PFKFB3: variants seen among roughly 807,000 people sequenced by gnomAD.
PFKFB3 encodes 6-phosphofructo-2-kinase/fructose-2,6-biphosphatase 3.
PFKFB3 carries 33 observed loss-of-function variants against 68.0 expected under a neutral mutation model. That is an observed-to-expected ratio of 0.49 (90% CI 0.37 to 0.65). The LOEUF is 0.65. PFKFB3 is among the 30% of genes least tolerant of loss of function. The pLI, the probability that PFKFB3 is intolerant of heterozygous loss-of-function variation, is 0.00. For synonymous variants in PFKFB3, 315 were observed against 288.2 expected, an observed-to-expected ratio of 1.09 and a Z score of -0.94; for missense variants, 586 against 712.2, an observed-to-expected ratio of 0.82 and a Z score of 2.02.
rs114188596 is a variant in PFKFB3 at position 6,182,154 on chromosome 10, G to C, written c.17-31469G>C. 5.4e-3 allele frequency among the ~76,000 whole-genome samples: 820 copies of C among 152,264 alleles called. 7 individuals are homozygous for C. Among genetic ancestry groups the C allele is most frequent in the African/African-American group, 0.019 (785 of 41,538 alleles). ...GCTTCTGGCCTCCTCAGTCTTGGCG[G>C]ATTCTTCCTCCCTGTCTCCCCAAGT... On this transcript the variant is annotated intron_variant, in intron 1 of 14. Transcript: ENST00000379789.
Position 6,216,729 on chromosome 10 carries a change from T to C in PFKFB3, c.390T>C (p.Thr130=). The C allele has an allele frequency of 1.2e-6, 2 of 1,613,150 alleles. No homozygotes were observed. The highest frequency in any genetic ancestry group is 1.7e-4 in the Middle Eastern group (1 of 6,060). ...AGGTTTTCGATGCCACCAATACTAC[T>C]AGAGAGAGGAGACACATGATCCTTC... The part of the protein sequence containing the change: ...QIAVFDATNT[T]RERRHMILHF... Residue 130 remains threonine, a synonymous_variant, in exon 5 of 15, where the codon ACT becomes ACC. Transcript: ENST00000379775.
At chr10:6,278,994 G>A in the PFKFB3 span, among the ~76,000 whole-genome samples, 1 of 152,194 alleles carries the variant, frequency 6.6e-6, no homozygotes, top group Non-Finnish European at 1.5e-5. Flanking sequence ...GCTGCGGCGA[G>A]AATTCACTGA....
At position 6,159,709 on chromosome 10, in the gene PFKFB3, AC is replaced by A. The variant is rs765636775; in HGVS notation, c.16+14697del. Reference sequence around the variant, plus strand: ...CTCCGTCTGAGGAAAAAAAAAAAAAACAAAACACCAAAAAACCAAAAACCAA... The same window carrying A: ...CTCCGTCTGAGGAAAAAAAAAAAAAAAAAACACCAAAAAACCAAAAACCAA... On this transcript the variant is annotated intron_variant, in intron 1 of 14. Coordinates refer to the PFKFB3 transcript ENST00000379789. Among the ~76,000 whole-genome samples the A allele has an allele frequency of 7.8e-3, 1,178 of 150,684 alleles. 35 individuals are homozygous for A. The highest frequency in any genetic ancestry group is 0.058 in the East Asian group (274 of 4,738).
rs1844487282 is a variant in PFKFB3, at chr10:6,215,232, G to A, written c.214G>A (p.Gly72Arg). 6.2e-7 allele frequency: 1 copy of A among 1,613,814 alleles called. No homozygotes were observed. Among genetic ancestry groups the A allele is most frequent in the Non-Finnish European group, 8.5e-7 (1 of 1,179,848 alleles). ...TTTCCCGTCCACAGTGTTCAACGTC[G>A]GGGAGTATCGCCGGGAGGCTGTGAA... The part of the protein sequence containing the change: ...IGVPTKVFNV[G>R]EYRREAVKQY... The change falls in exon 3 of 15, where the codon GGG (glycine) becomes AGG (arginine). Residue 72 changes from glycine (G) to arginine (R), a missense_variant. Coordinates refer to ENST00000379775, the MANE Select transcript of PFKFB3 (RefSeq NM_004566.4). This position sits in a 1 kb window ranked among gnomAD's most constrained non-coding sequence, Gnocchi z 4.3.
intron 6 of PFKFB3, among the ~76,000 whole-genome samples, chr10:6,218,947 G>C (rs1475081882): frequency 2.0e-5 from 3 of 152,236 alleles, no homozygotes; most frequent in Non-Finnish European, 4.4e-5. Context: ...ATTCAGAAAT[G>C]CTGAGTTTCC....
At chr10:6,164,323 T>G (rs1377136518) in intron 1 of PFKFB3, among the ~76,000 whole-genome samples, 2 of 152,150 alleles carry the variant, frequency 1.3e-5, no homozygotes, top group Non-Finnish European at 2.9e-5. Context: ...CATCCGAATC[T>G]TCATGAACAG....
At chr10:6,306,116 C>G in the PFKFB3 span, among the ~76,000 whole-genome samples, 1 of 152,186 alleles carries the variant, frequency 6.6e-6, no homozygotes, top group African/African-American at 2.4e-5. Context: ...TCATGGCAGC[C>G]TCAAACTCCT....
the PFKFB3 span, among the ~76,000 whole-genome samples, chr10:6,316,564 T>C: frequency 0.79 from 119,562 of 152,088 alleles, 47,098 homozygotes; most frequent in Non-Finnish European, 0.79. Flanking sequence ...CTGCAACCTC[T>C]GCCTCCCAGG....
chr10:6,207,393 TC>T (rs1843861361), intron 1 of PFKFB3, among the ~76,000 whole-genome samples: 1 of 152,142 alleles, frequency 6.6e-6, no homozygotes, highest in Admixed American at 6.5e-5. Context: ...AGCAGTACAG[TC>T]CAGCTTTGGC....
chr10:6,222,625 C>T, intron 10 of PFKFB3: 1 of 366,216 alleles, frequency 2.7e-6, no homozygotes. Flanking sequence ...AGTTCTTTCA[C>T]ACAGCATTGA....
In PFKFB3 at chr10:6,229,284, C is replaced by T; in HGVS notation, c.1515+2919C>T. 1 of 419,888 alleles carries T rather than the reference C, an allele frequency of 2.4e-6. No homozygotes were observed. The highest frequency in any genetic ancestry group is 1.7e-5 in the South Asian group (1 of 58,474). The allele number at this position is 419,888 out of a possible 1,614,324, so 26.0% of individuals were successfully genotyped here. A position where few individuals can be genotyped will look rare whatever the true frequency, so the allele number is the denominator to read the frequency against. ...CCTTAAGACCACCCTGGGAGGTCGG[C>T]AGGGCAGTCAGTCCCCCGTTTAATG... On this transcript the variant is annotated intron_variant, in intron 14 of 14. Transcript: ENST00000379775. The surrounding 1 kb of genome is among the most constrained non-coding windows in gnomAD (Gnocchi z 4.3).
chr10:6,258,337 G>A (rs1412524128), downstream of PFKFB3, among the ~76,000 whole-genome samples: 1 of 152,172 alleles, frequency 6.6e-6, no homozygotes, highest in African/African-American at 2.4e-5. Flanking sequence ...TTTATGAGCA[G>A]GTATGTCTTG....
chr10:6,192,673 G>A (rs866722231), intron 1 of PFKFB3, among the ~76,000 whole-genome samples: 4,731 of 131,896 alleles, frequency 0.036, 271 homozygotes, highest in African/African-American at 0.13. Context: ...CCGTGTGTGT[G>A]TGTGTGTGTG....
the PFKFB3 span, among the ~76,000 whole-genome samples, chr10:6,297,585 G>A: frequency 0.033 from 4,968 of 152,158 alleles, 258 homozygotes; most frequent in African/African-American, 0.11. Context: ...GAAGCAAGAC[G>A]TTTACTGCTG....
chr10:6,214,698 G>C (rs1844446556), intron 2 of PFKFB3, among the ~76,000 whole-genome samples: 1 of 152,086 alleles, frequency 6.6e-6, no homozygotes, highest in African/African-American at 2.4e-5. Flanking sequence ...TCTTTTGAAA[G>C]GATGGTTTTT....
upstream of PFKFB3, among the ~76,000 whole-genome samples, chr10:6,199,127 C>A (rs796836837): frequency 5.9e-5 from 9 of 152,324 alleles, no homozygotes; most frequent in African/African-American, 1.9e-4. Flanking sequence ...ACTTCTCTCC[C>A]TCATACATGG....
chr10:6,223,190 C>G (rs920348719), intron 11 of PFKFB3, among the ~76,000 whole-genome samples: 1 of 152,168 alleles, frequency 6.6e-6, no homozygotes, highest in African/African-American at 2.4e-5. Flanking sequence ...TGCTGTGGAG[C>G]CCAGGTTGAT....
the PFKFB3 span, among the ~76,000 whole-genome samples, chr10:6,264,033 C>G: frequency 6.6e-6 from 1 of 152,188 alleles, no homozygotes; most frequent in Non-Finnish European, 1.5e-5. Flanking sequence ...TTAGCTGTAC[C>G]TAAAACCTGC....
chr10:6,305,461 G>A, the PFKFB3 span, among the ~76,000 whole-genome samples: 5 of 152,186 alleles, frequency 3.3e-5, no homozygotes, highest in East Asian at 1.9e-4. Flanking sequence ...GATTACAGGC[G>A]TGAGCCACCA....
Sources: allele counts gnomAD v4.1 joint callset (sites outside exome capture counted in the v4.1 genomes callset), GRCh38; gene constraint gnomAD v4.1.1; non-coding constraint Gnocchi (gnomAD v3.1); transcripts MANE v1.5; gene names NCBI Gene and HGNC (gene_info 2026-07-23, HGNC 2026-07-21).